The following ANKRD31 variants were observed in gnomAD, a reference collection of about 807,000 sequenced individuals.
ANKRD31 encodes the protein ankyrin repeat domain 31.
Under a neutral mutation model 186.0 loss-of-function variants are expected in ANKRD31, and 147 were observed. The observed-to-expected ratio is 0.79, with a 90% CI of 0.69 to 0.91. ANKRD31 has a LOEUF of 0.91. Among genes scored for constraint, ANKRD31 ranks in the 40% least tolerant of loss-of-function variants. The pLI, the probability that ANKRD31 is intolerant of heterozygous loss-of-function variation, is 0.00. For synonymous variants in ANKRD31, 673 were observed against 736.4 expected, an observed-to-expected ratio of 0.91 and a Z score of 1.39; for missense variants, 1,986 against 2,148.8, an observed-to-expected ratio of 0.92 and a Z score of 1.50.
intron 2 of ANKRD31, among the ~76,000 whole-genome samples, chr5:75,228,309 T>A (rs1223325936): frequency 6.6e-6 from 1 of 152,226 alleles, no homozygotes; most frequent in African/African-American, 2.4e-5. Flanking sequence ...TTGCATGCCT[T>A]GTTTGACTGG....
intron 10 of ANKRD31, among the ~76,000 whole-genome samples, chr5:75,176,823 T>C (rs918263050): frequency 6.6e-6 from 1 of 151,782 alleles, no homozygotes; most frequent in Non-Finnish European, 1.5e-5. Context: ...AAAATCAGAG[T>C]GCCTCTCCTC....
chr5:75,187,773 T>C (rs183602679), intron 10 of ANKRD31, among the ~76,000 whole-genome samples: 1 of 152,276 alleles, frequency 6.6e-6, no homozygotes, highest in East Asian at 1.9e-4. Context: ...ATCACTTGCT[T>C]GTCCCTGGAT....
At chr5:75,198,847 T>C (rs113003593) in intron 6 of ANKRD31, among the ~76,000 whole-genome samples, 70 of 152,308 alleles carry the variant, frequency 4.6e-4, no homozygotes, top group African/African-American at 1.2e-3. Flanking sequence ...CAGCTATCGC[T>C]GCCCCTATCT....
At chr5:75,080,709 A>ACCATCATCCTGATT in intron 24 of ANKRD31, 70 bp from the exon 25 acceptor site, 1 of 878,010 alleles carries the variant, frequency 1.1e-6, no homozygotes, top group Non-Finnish European at 1.7e-6. Context: ...AATCAGGATG[A>ACCATCATCCTGATT]TGGTCACCCT....
In ANKRD31 at chr5:75,146,007, T is replaced by C. The variant is rs1209983906; in HGVS notation, c.3404A>G (p.Lys1135Arg). ...AATACCTGGTTTGTGAGAAATTTCC[T>C]TCTTTTCTCTTTGACTAAGTTTTGA... Reference protein sequence around the residue: ...NISKLSQREKKEISHKPDEEL... With the variant: ...NISKLSQREKREISHKPDEEL... The change falls in exon 14 of 26, where the codon AAG becomes AGG. Residue 1135 changes from lysine (K) to arginine (R), a missense_variant. By Grantham distance (26) the Lys-to-Arg change is conservative (BLOSUM62 2). Transcript: ENST00000506364. 1 of 1,489,562 alleles carries C rather than the reference T, an allele frequency of 6.7e-7. No individual in the cohort carries two copies. Among genetic ancestry groups the C allele is most frequent in the Non-Finnish European group, 8.9e-7 (1 of 1,127,768 alleles). The allele number at this position is 1,489,562 out of a possible 1,614,324, so 92.3% of individuals were successfully genotyped here. A position where few individuals can be genotyped will look rare whatever the true frequency, so the allele number is the denominator to read the frequency against.
chr5:75,190,228 T>C (rs1220346587), intron 9 of ANKRD31, among the ~76,000 whole-genome samples: 7 of 152,026 alleles, frequency 4.6e-5, no homozygotes, highest in African/African-American at 1.7e-4. Context: ...GCCATGTTGC[T>C]TAAGCTGATC....
intron 8 of ANKRD31, among the ~76,000 whole-genome samples, chr5:75,193,067 A>G (rs1434131241): frequency 1.3e-5 from 2 of 152,084 alleles, no homozygotes; most frequent in South Asian, 2.1e-4. Context: ...TTACTCCCCA[A>G]GTTGGCATGC....
chr5:75,127,830 T>C (rs1211935280), intron 17 of ANKRD31, among the ~76,000 whole-genome samples: 1 of 152,222 alleles, frequency 6.6e-6, no homozygotes, highest in East Asian at 1.9e-4. Flanking sequence ...AGGTATTCAG[T>C]GTAAAGGTGT....
chr5:75,205,094 AG>A (rs1456039454), intron 5 of ANKRD31, among the ~76,000 whole-genome samples: 1 of 152,082 alleles, frequency 6.6e-6, no homozygotes, highest in Non-Finnish European at 1.5e-5. Context: ...TCGAACTCTT[AG>A]GCTCAAGCAA....
At chr5:75,220,768 G>T (rs1380691638) in intron 3 of ANKRD31, among the ~76,000 whole-genome samples, 2 of 151,970 alleles carry the variant, frequency 1.3e-5, no homozygotes, top group Non-Finnish European at 2.9e-5. Flanking sequence ...AAATCAATGA[G>T]ATACCAGCTC....
At chr5:75,168,651 A>AGT (rs1414870066) in intron 11 of ANKRD31, among the ~76,000 whole-genome samples, 3 of 152,246 alleles carry the variant, frequency 2.0e-5, no homozygotes, top group African/African-American at 7.2e-5. Context: ...ACTGGACATA[A>AGT]CTGCGTAACA....
intron 11 of ANKRD31, among the ~76,000 whole-genome samples, chr5:75,156,187 G>A (rs1752159348): frequency 6.6e-6 from 1 of 152,134 alleles, no homozygotes; most frequent in South Asian, 2.1e-4. Context: ...TTACAGGTGT[G>A]AGCCACTGTG....
intron 23 of ANKRD31, among the ~76,000 whole-genome samples, chr5:75,086,528 G>A (rs1240113687): frequency 2.6e-5 from 4 of 152,234 alleles, no homozygotes; most frequent in Non-Finnish European, 5.9e-5. Flanking sequence ...ATGGTAGGAA[G>A]AGCTGGAGGC....
intron 25 of ANKRD31, among the ~76,000 whole-genome samples, chr5:75,076,104 C>A (rs572765233): frequency 6.6e-6 from 1 of 152,274 alleles, no homozygotes; most frequent in African/African-American, 2.4e-5. Context: ...CACTTTGACA[C>A]CAAATGTGCG....
chr5:75,225,498 A>G, intron 2 of ANKRD31: 1 of 245,224 alleles, frequency 4.1e-6, no homozygotes, highest in Non-Finnish European at 8.1e-6. Flanking sequence ...AGTACAGTTT[A>G]GGATTAGGAG....
chr5:75,111,216 T>G (rs893911638), intron 20 of ANKRD31, among the ~76,000 whole-genome samples: 2 of 150,670 alleles, frequency 1.3e-5, no homozygotes, highest in African/African-American at 4.9e-5. Flanking sequence ...AAAAAAAATG[T>G]GGGGAGGGGG....
intron 1 of ANKRD31, 69 bp from the exon 2 acceptor site, chr5:75,230,704 T>C: frequency 1.7e-6 from 2 of 1,184,162 alleles, no homozygotes; most frequent in African/African-American, 1.5e-5. Flanking sequence ...ATTTTACCCA[T>C]CATTTTTATT....
chr5:75,113,119 C>T (rs1747914906), intron 19 of ANKRD31, among the ~76,000 whole-genome samples: 1 of 152,120 alleles, frequency 6.6e-6, no homozygotes, highest in African/African-American at 2.4e-5. Flanking sequence ...TTCACTCTGC[C>T]CTGATCCTTC....
intron 22 of ANKRD31, among the ~76,000 whole-genome samples, chr5:75,101,906 C>T (rs1014463821): frequency 3.3e-5 from 5 of 151,976 alleles, no homozygotes; most frequent in Non-Finnish European, 5.9e-5. Flanking sequence ...CTGTTATTAC[C>T]GATTGTCTGA....
Sources: gnomAD v4.1 joint callset for allele counts (sites outside exome capture counted in the v4.1 genomes callset) on GRCh38, gnomAD v4.1.1 for gene constraint, MANE v1.5 for transcripts, NCBI Gene and HGNC (gene_info 2026-07-23, HGNC 2026-07-21) for gene names.